The following MTCL1 variants were observed in gnomAD, a reference collection of about 807,000 sequenced individuals.
MTCL1 encodes microtubule cross-linking factor 1.
In MTCL1, 79 loss-of-function variants were observed where a neutral mutation model predicts 141.4. The ratio of observed to expected loss-of-function variants is 0.56; its 90% CI spans 0.47 to 0.67. MTCL1 has a LOEUF of 0.67. MTCL1 is among the 30% of genes least tolerant of loss of function. The pLI is 0.00. For synonymous variants in MTCL1, 914 were observed against 875.8 expected (o/e 1.04, Z -0.77); for missense variants, 2,177 against 2,113.9 (o/e 1.03, Z -0.59).
chr18:8,800,266 C>T (rs1017339844), intron 10 of MTCL1, among the ~76,000 whole-genome samples: 9 of 152,212 alleles, frequency 5.9e-5, no homozygotes, highest in African/African-American at 1.4e-4. Flanking sequence ...GTTCCCGAAA[C>T]GCCGAGCACC....
At chr18:8,794,864 A>G (rs987385227) in intron 8 of MTCL1, among the ~76,000 whole-genome samples, 10 of 152,176 alleles carry the variant, frequency 6.6e-5, no homozygotes, top group African/African-American at 2.4e-4. Context: ...TTTTATTGTC[A>G]TGTACCTAAC....
intron 1 of MTCL1, chr18:8,706,989 C>G (rs1160089026): frequency 2.2e-6 from 1 of 451,610 alleles, no homozygotes; most frequent in Admixed American, 4.2e-5. Context: ...TTTTGTTGAC[C>G]TGTTGGGGCA....
chr18:8,723,315 T>C (rs1225102568), intron 4 of MTCL1, among the ~76,000 whole-genome samples: 1 of 152,214 alleles, frequency 6.6e-6, no homozygotes, highest in Non-Finnish European at 1.5e-5. Flanking sequence ...ATGGGTTCTT[T>C]TTGCAAAAGC....
chr18:8,823,246 C>G (rs66547285), intron 14 of MTCL1, among the ~76,000 whole-genome samples: 5 of 152,116 alleles, frequency 3.3e-5, no homozygotes, highest in Admixed American at 6.5e-5. Flanking sequence ...GAGGTTAATG[C>G]CTCTGCTTTC....
At chr18:8,714,956 C>G (rs1188002859), upstream of MTCL1, among the ~76,000 whole-genome samples, 3 of 152,136 alleles carry the variant, frequency 2.0e-5, no homozygotes, top group Non-Finnish European at 4.4e-5. Context: ...GCCACCACGC[C>G]TGGCTAATTT....
In MTCL1 at chr18:8,779,877, T is replaced by C. The variant is rs1235469875; in HGVS notation, c.417+1985T>C. 2.0e-5 allele frequency among the ~76,000 whole-genome samples: 3 copies of C among 152,276 alleles called. No individual in the cohort carries two copies. The East Asian group carries it at 5.8e-4, about 29-fold the overall frequency. ...AATTGACCCTTGTTAGAGTATGTCA[T>C]AGGATCTTGCTGCTTTAACTGACCT... On this transcript the variant is annotated intron_variant, in intron 5 of 16. Coordinates refer to ENST00000359865, the Ensembl canonical transcript of MTCL1. This position sits in a 1 kb window ranked among gnomAD's most constrained non-coding sequence, Gnocchi z 4.1.
intron 4 of MTCL1, among the ~76,000 whole-genome samples, chr18:8,768,956 C>A (rs1249801384): frequency 6.6e-6 from 1 of 151,950 alleles, no homozygotes; most frequent in African/African-American, 2.4e-5. Flanking sequence ...CACGTGGGCC[C>A]AGCTAATTTT....
At chr18:8,787,800 CTATTT>C (rs200118204) in intron 7 of MTCL1, among the ~76,000 whole-genome samples, 1 of 152,146 alleles carries the variant, frequency 6.6e-6, no homozygotes, top group African/African-American at 2.4e-5. Context: ...CAAACACATC[CTATTT>C]TATTTTATTT....
At chr18:8,736,150 G>A (rs2096273547) in intron 4 of MTCL1, among the ~76,000 whole-genome samples, 1 of 152,186 alleles carries the variant, frequency 6.6e-6, no homozygotes, top group East Asian at 1.9e-4. Context: ...TTGATTGAAA[G>A]GTACACCATT....
intron 12 of MTCL1, among the ~76,000 whole-genome samples, chr18:8,814,499 A>G (rs2076587336): frequency 6.6e-6 from 1 of 152,252 alleles, no homozygotes; most frequent in African/African-American, 2.4e-5. Context: ...TTGGAAATGC[A>G]GCACTTGTGA....
chr18:8,739,372 G>C (rs1199041152), intron 4 of MTCL1, among the ~76,000 whole-genome samples: 1 of 152,238 alleles, frequency 6.6e-6, no homozygotes, highest in Admixed American at 6.5e-5. Flanking sequence ...GGGTGGGCGT[G>C]CATGCGCGGT....
intron 4 of MTCL1, among the ~76,000 whole-genome samples, chr18:8,770,054 G>C (rs2149044641): frequency 6.6e-6 from 1 of 152,260 alleles, no homozygotes; most frequent in South Asian, 2.1e-4. Flanking sequence ...TGGCAATTTG[G>C]GGCTAAGAAA....
At position 8,817,093 on chromosome 18, in the gene MTCL1, G is replaced by T. The variant is rs558024954; in HGVS notation, c.2860-1870G>T. On this transcript the variant is annotated intron_variant, in intron 12 of 16. Transcript: ENST00000359865. ...TGCTTGTTCATAGCCCTCCTCTTTAGTCATTCTTTTCCCCCTTCACTCACA... is the reference window on the plus strand; with the variant it reads ...TGCTTGTTCATAGCCCTCCTCTTTATTCATTCTTTTCCCCCTTCACTCACA... Among the ~76,000 whole-genome samples, 7 of 152,162 alleles carry T rather than the reference G, an allele frequency of 4.6e-5. No homozygotes were observed. In the East Asian group the frequency reaches 1.4e-3, roughly 29 times the overall value.
At chr18:8,775,812 G>A (rs553867073) in intron 4 of MTCL1, among the ~76,000 whole-genome samples, 8 of 152,284 alleles carry the variant, frequency 5.3e-5, no homozygotes, top group Non-Finnish European at 1.2e-4. Flanking sequence ...TGCTGCCCCT[G>A]CTCCATGATG....
chr18:8,754,794 C>G (rs2096388723), intron 4 of MTCL1, among the ~76,000 whole-genome samples: 1 of 152,176 alleles, frequency 6.6e-6, no homozygotes, highest in African/African-American at 2.4e-5. Context: ...TTCTTGGTCC[C>G]TGTCTCTCTG....
chr18:8,793,079 C>T (rs1568048541), exon 8 of MTCL1: 1 of 1,614,144 alleles, frequency 6.2e-7, no homozygotes, highest in East Asian at 2.2e-5. Flanking sequence ...GGCCAGACTG[C>T]ATCAAGAGGA....
chr18:8,717,049 T>C (rs16954007), upstream of MTCL1, among the ~76,000 whole-genome samples: 3,443 of 152,234 alleles, frequency 0.023, 136 homozygotes, highest in African/African-American at 0.079. Context: ...CCTTTCTGAC[T>C]TGGTGTTTGT....
At chr18:8,816,882 A>G (rs1598789617) in intron 12 of MTCL1, among the ~76,000 whole-genome samples, 1 of 152,280 alleles carries the variant, frequency 6.6e-6, no homozygotes. Context: ...AATGACTCCT[A>G]TAGGAAACCC....
chr18:8,735,184 A>G (rs866999808), intron 4 of MTCL1, among the ~76,000 whole-genome samples: 1 of 152,218 alleles, frequency 6.6e-6, no homozygotes, highest in East Asian at 1.9e-4. Context: ...TTCCTGTTAC[A>G]GTTTTCCTAA....
Sources: gnomAD v4.1 joint callset for allele counts (sites outside exome capture counted in the v4.1 genomes callset) on GRCh38, gnomAD v4.1.1 for gene constraint, Gnocchi (gnomAD v3.1) non-coding constraint, MANE v1.5 for transcripts, NCBI Gene and HGNC (gene_info 2026-07-23, HGNC 2026-07-21) for gene names.